The following ERCC6L variants were observed in gnomAD, a reference collection of about 807,000 sequenced individuals.
ERCC6L encodes the protein DNA excision repair protein ERCC-6-like.
A neutral mutation model predicts 20.1 loss-of-function variants in ERCC6L; 7 were observed. The observed-to-expected ratio is 0.35, with a 90% CI of 0.20 to 0.65. The LOEUF (loss-of-function observed/expected upper bound fraction) is 0.65, where lower values mean the gene tolerates loss of function less well. ERCC6L is among the 30% of genes least tolerant of loss of function. The pLI, the probability that ERCC6L is intolerant of heterozygous loss-of-function variation, is 0.69. For synonymous variants in ERCC6L, 278 were observed against 331.3 expected, an observed-to-expected ratio of 0.84 and a Z score of 1.75; for missense variants, 592 against 892.4, an observed-to-expected ratio of 0.66 and a Z score of 4.29.
rs143780574 is a variant in ERCC6L, at chrX:72,206,248, T to C, written c.2519A>G (p.Asn840Ser). Residue 840 changes from asparagine to serine, a missense_variant, in exon 2 of 2, where the codon AAT becomes AGT. Asn to Ser is a conservative substitution (Grantham distance 46). This residue lies in a region of ERCC6L where 352 missense variants were observed against 402.6 expected (regional missense o/e 0.87). Coordinates refer to ENST00000334463, the MANE Select transcript of ERCC6L (RefSeq NM_017669.4). ...LGMEKSFATK[N>S]EAVQKETLQE... ...TAATGTCTCTTTTTGTACAGCTTCA[T>C]TTTTAGTTGCAAAGCTTTTTTCCAT... 1.1e-4 allele frequency: 135 copies of C among 1,207,091 alleles called. No individual in the cohort carries two copies. In the African/African-American group the frequency reaches 2.0e-3, roughly 18 times the overall value.
Position 72,208,293 on chromosome X carries a change from G to A in ERCC6L, c.474C>T (p.Asn158=), listed in dbSNP as rs755606821. The A allele has an allele frequency of 8.3e-6, 10 of 1,210,192 alleles. No homozygotes were observed. The highest frequency in any genetic ancestry group is 4.6e-4 in the Middle Eastern group (2 of 4,370). The change falls in exon 2 of 2, where the codon AAC becomes AAT. Residue 158 remains asparagine, a synonymous_variant. Coordinates refer to ENST00000334463, the MANE Select transcript of ERCC6L (RefSeq NM_017669.4). The part of the protein sequence containing the change: ...VLLIMPTNLI[N]TWVKEFIKWT... ...ACTTGATGAATTCTTTTACCCATGT[G>A]TTAATAAGATTGGTTGGCATGATCA...
rs763373262 is a variant in ERCC6L, at chrX:72,211,616, T to C, written c.69-2918A>G. Among the ~76,000 whole-genome samples the C allele has an allele frequency of 3.6e-5, 4 of 110,172 alleles. No individual in the cohort carries two copies. In the South Asian group the frequency reaches 1.6e-3, roughly 43 times the overall value. ...TGGATTACAATTCAAGATGAGATTA[T>C]GGGTGGGGTCACAGCCAAACCATAT... On this transcript the variant is annotated intron_variant, in intron 1 of 1. Coordinates refer to ENST00000334463, the MANE Select transcript of ERCC6L (RefSeq NM_017669.4).
intron 1 of ERCC6L, among the ~76,000 whole-genome samples, chrX:72,220,911 T>C (rs2042919487): frequency 1.8e-5 from 2 of 112,019 alleles, no homozygotes; most frequent in Non-Finnish European, 1.9e-5. Flanking sequence ...GAACAGGTGC[T>C]GGGGGCAGAG....
At chrX:72,232,573 C>T (rs2042991376) in intron 1 of ERCC6L, among the ~76,000 whole-genome samples, 1 of 112,291 alleles carries the variant, frequency 8.9e-6, no homozygotes, top group African/African-American at 3.2e-5. Context: ...CTTGGGGAGG[C>T]CAAGGCAGGC....
intron 1 of ERCC6L, among the ~76,000 whole-genome samples, chrX:72,238,599 C>T (rs2043030867): frequency 8.9e-6 from 1 of 112,689 alleles, no homozygotes; most frequent in Admixed American, 9.4e-5. Context: ...GCTCCTCTGG[C>T]TTTTAAGGAG....
In ERCC6L at chrX:72,206,353, G is replaced by C; in HGVS notation, c.2414C>G (p.Thr805Arg). The C allele has an allele frequency of 8.3e-7, 1 of 1,210,246 alleles. No individual in the cohort carries two copies. Among genetic ancestry groups the C allele is most frequent in the Non-Finnish European group, 1.1e-6 (1 of 894,607 alleles). ...AGTAGCTATAGAGTCAGCACTACCTGTACCTTTACCATCTTGCAAGGTGGT... is the reference window on the plus strand; with the variant it reads ...AGTAGCTATAGAGTCAGCACTACCTCTACCTTTACCATCTTGCAAGGTGGT... ...NVTTLQDGKG[T>R]GSADSIATLP... Residue 805 changes from threonine (T) to arginine (R), a missense_variant, in exon 2 of 2, where the codon ACA (threonine) becomes AGA (arginine). Around this residue, in one of 3 missense-constraint regions of ERCC6L, gnomAD observed 352 missense variants for 402.6 expected, o/e 0.87. Coordinates refer to ENST00000334463, the MANE Select transcript of ERCC6L (RefSeq NM_017669.4).
rs2042825486 is a variant in ERCC6L, at chrX:72,207,217, T to C, written c.1550A>G (p.Glu517Gly). ...TTGCTGGAATAAGTTAATTCTTTTT[T>C]CTCGTTCCAAAAGATGAGTAACTGT... ...DGTVTHLLEREKRINLFQQNK... is the reference protein window; with the variant it reads ...DGTVTHLLERGKRINLFQQNK... Residue 517 changes from glutamate to glycine, a missense_variant, in exon 2 of 2, where the codon GAA becomes GGA. By Grantham distance (98) the Glu-to-Gly change is moderately conservative. This residue lies in a region of ERCC6L where 196 missense variants were observed against 440.1 expected (regional missense o/e 0.45). Coordinates refer to ENST00000334463, the MANE Select transcript of ERCC6L (RefSeq NM_017669.4). 8.3e-7 allele frequency: 1 copy of C among 1,211,676 alleles called. No individual in the cohort carries two copies. Among genetic ancestry groups the C allele is most frequent in the Non-Finnish European group, 1.1e-6 (1 of 895,507 alleles).
chrX:72,218,842 T>C (rs2042902731), intron 1 of ERCC6L, among the ~76,000 whole-genome samples: 1 of 112,880 alleles, frequency 8.9e-6, no homozygotes, highest in African/African-American at 3.2e-5. Context: ...CAGGATATCT[T>C]TCTTTTATTT....
At chrX:72,219,688 A>G (rs1166966810) in intron 1 of ERCC6L, among the ~76,000 whole-genome samples, 1 of 108,686 alleles carries the variant, frequency 9.2e-6, no homozygotes, top group Non-Finnish European at 1.9e-5. Context: ...CCTCTACTAA[A>G]AATACAAAAA....
At chrX:72,223,390 C>T (rs1262265660) in intron 1 of ERCC6L, among the ~76,000 whole-genome samples, 1 of 105,137 alleles carries the variant, frequency 9.5e-6, no homozygotes, top group Non-Finnish European at 2.0e-5. Flanking sequence ...TCAGCAGGAC[C>T]TCCTAAATGC....
At chrX:72,218,397 C>A (rs933928881) in intron 1 of ERCC6L, among the ~76,000 whole-genome samples, 2 of 111,110 alleles carry the variant, frequency 1.8e-5, no homozygotes, top group East Asian at 5.6e-4. Context: ...TGTGAGGCAC[C>A]ACGGTCGGCT....
intron 1 of ERCC6L, among the ~76,000 whole-genome samples, chrX:72,218,039 G>A (rs764653030): frequency 3.3e-4 from 37 of 111,247 alleles, no homozygotes; most frequent in South Asian, 3.8e-4. Context: ...GGAAGGCCAA[G>A]GCAGGCGGAT....
At chrX:72,217,808 C>T (rs944510754) in intron 1 of ERCC6L, among the ~76,000 whole-genome samples, 2 of 111,543 alleles carry the variant, frequency 1.8e-5, no homozygotes, top group African/African-American at 6.5e-5. Context: ...ATGGGCACTC[C>T]ATGCTGTTCC....
At chrX:72,222,470 A>G (rs918273300) in intron 1 of ERCC6L, among the ~76,000 whole-genome samples, 2 of 111,466 alleles carry the variant, frequency 1.8e-5, no homozygotes, top group African/African-American at 6.5e-5. Flanking sequence ...ACAGGGAAAC[A>G]ATGGCATCAG....
intron 1 of ERCC6L, among the ~76,000 whole-genome samples, chrX:72,219,281 C>T (rs1012320819): frequency 5.5e-5 from 6 of 108,366 alleles, no homozygotes; most frequent in Non-Finnish European, 7.6e-5. Context: ...AGGCCAGGTG[C>T]GGTGGCTCAT....
chrX:72,208,210 C>T lies in ERCC6L; in HGVS notation c.557G>A (p.Arg186Lys), dbSNP rs773897881. The T allele has an allele frequency of 8.3e-7, 1 of 1,209,969 alleles. No homozygotes were observed. Among genetic ancestry groups the T allele is most frequent in the Non-Finnish European group, 1.1e-6 (1 of 895,225 alleles). Residue 186 changes from arginine to lysine, a missense_variant, in exon 2 of 2, where the codon AGA (arginine) becomes AAA (lysine). Around this residue, in one of 3 missense-constraint regions of ERCC6L, gnomAD observed 196 missense variants for 440.1 expected, o/e 0.45. Transcript: ENST00000334463. ...CCTTTGCTGAATCCGATTGAGGTTT[C>T]TGGTCCGTTCATCCTTGCTAGGACC... Reference protein sequence around the residue: ...FHGPSKDERTRNLNRIQQRNG... With the variant: ...FHGPSKDERTKNLNRIQQRNG...
intron 1 of ERCC6L, among the ~76,000 whole-genome samples, chrX:72,231,356 A>G (rs1446087410): frequency 9.0e-6 from 1 of 111,532 alleles, no homozygotes; most frequent in African/African-American, 3.3e-5. Flanking sequence ...TTATACATGG[A>G]ATCTAGAAAA....
In ERCC6L at chrX:72,205,157, C is replaced by T. The variant is rs750433514; in HGVS notation, c.3610G>A (p.Val1204Ile). The T allele has an allele frequency of 8.3e-7, 1 of 1,211,739 alleles. No individual in the cohort carries two copies. Among genetic ancestry groups the T allele is most frequent in the Admixed American group, 2.2e-5 (1 of 45,959 alleles). ...AEATNDYETL[V>I]KRGKELKECG... ...TCTTTTAGTTCTTTTCCACGCTTTA[C>T]AAGAGTCTCATAGTCATTTGTAGCC... Residue 1204 changes from valine to isoleucine, a missense_variant, in exon 2 of 2, where the codon GTA becomes ATA. Physicochemically the swap from Val to Ile is conservative, Grantham distance 29 (BLOSUM62 3). Around this residue, in one of 3 missense-constraint regions of ERCC6L, gnomAD observed 352 missense variants for 402.6 expected, o/e 0.87. Transcript: ENST00000334463.
chrX:72,228,635 C>T (rs146265251), intron 1 of ERCC6L, among the ~76,000 whole-genome samples: 24 of 111,847 alleles, frequency 2.1e-4, no homozygotes, highest in Non-Finnish European at 3.8e-4. Flanking sequence ...GGTACCCTTA[C>T]GAAACTCCCA....
Sources: gnomAD v4.1 joint callset for allele counts (sites outside exome capture counted in the v4.1 genomes callset) on GRCh38, gnomAD v4.1.1 for gene constraint, gnomAD v4.1.1 regional missense constraint, MANE v1.5 for transcripts, NCBI Gene and HGNC (gene_info 2026-07-23, HGNC 2026-07-21) for gene names.